SPDYA: variants seen among roughly 807,000 people sequenced by gnomAD.
SPDYA encodes the protein speedy/RINGO cell cycle regulator family member A, also known as speedy protein A.
In SPDYA, 11 loss-of-function variants were observed where a neutral mutation model predicts 36.7. That is an observed-to-expected ratio of 0.30 (90% CI 0.19 to 0.50). SPDYA has a LOEUF of 0.50. SPDYA is among the 20% of genes least tolerant of loss of function. The probability of loss-of-function intolerance (pLI) is 0.98; values close to 1 mark genes in which losing one functional copy is unlikely to be tolerated. For synonymous variants in SPDYA, 115 were observed against 118.7 expected (o/e 0.97, Z 0.20); for missense variants, 287 against 370.9 (o/e 0.77, Z 1.86).
At chr2:28,823,702 A>AATAAATAT (rs1553315097) in intron 5 of SPDYA, among the ~76,000 whole-genome samples, 1 of 49,228 alleles carries the variant, frequency 2.0e-5, no homozygotes, top group Non-Finnish European at 3.7e-5. Context: ...GGAATGCATG[A>AATAAATAT]ATATATATAT....
intron 7 of SPDYA, among the ~76,000 whole-genome samples, chr2:28,844,576 A>G (rs1558332908): frequency 1.3e-5 from 2 of 152,196 alleles, no homozygotes; most frequent in African/African-American, 4.8e-5. Context: ...CGTTCTGAGC[A>G]CACTAAGGTA....
At chr2:28,815,636 A>C (rs1667966377) in intron 2 of SPDYA, among the ~76,000 whole-genome samples, 1 of 152,166 alleles carries the variant, frequency 6.6e-6, no homozygotes, top group Non-Finnish European at 1.5e-5. Context: ...ATGTCAATTC[A>C]AGCAGAATAG....
intron 6 of SPDYA, 114 bp from the exon 7 acceptor site, chr2:28,840,058 T>A: frequency 1.0e-6 from 1 of 981,192 alleles, no homozygotes; most frequent in African/African-American, 1.7e-5. Flanking sequence ...AATCAGCAAT[T>A]TGGATTTTTA....
intron 6 of SPDYA, among the ~76,000 whole-genome samples, chr2:28,837,741 G>A (rs1482816507): frequency 5.8e-5 from 3 of 51,876 alleles, no homozygotes; most frequent in Non-Finnish European, 7.7e-5. Flanking sequence ...CAGAGTCAGT[G>A]CTTTTTTTTT....
intron 6 of SPDYA, among the ~76,000 whole-genome samples, chr2:28,833,416 G>A (rs1195900483): frequency 6.6e-6 from 1 of 152,030 alleles, no homozygotes; most frequent in Non-Finnish European, 1.5e-5. Flanking sequence ...CCATAACCTG[G>A]AATGTTGTTC....
Position 28,825,899 on chromosome 2 carries a change from G to A in SPDYA, c.381-3249G>A, listed in dbSNP as rs577993390. Among the ~76,000 whole-genome samples the A allele has an allele frequency of 2.0e-4, 30 of 151,708 alleles. No individual in the cohort carries two copies. In the South Asian group the frequency reaches 5.0e-3, roughly 25 times the overall value. On this transcript the variant is annotated intron_variant, in intron 5 of 7. Coordinates refer to ENST00000334056, the MANE Select transcript of SPDYA (RefSeq NM_182756.4). ...ACCACAGGCACATAGCACGACACCC[G>A]GCTAATTTTTTATTTTTTATTTTTT...
At chr2:28,818,250 T>C (rs1558321459) in intron 3 of SPDYA, among the ~76,000 whole-genome samples, 1 of 152,070 alleles carries the variant, frequency 6.6e-6, no homozygotes, top group African/African-American at 2.4e-5. Flanking sequence ...TATGACTACA[T>C]TGATGATATT....
At chr2:28,847,813 T>A (rs1187544595) in intron 7 of SPDYA, among the ~76,000 whole-genome samples, 1 of 151,306 alleles carries the variant, frequency 6.6e-6, no homozygotes, top group African/African-American at 2.4e-5. Context: ...ATAATGGAGC[T>A]GAAAAATTCC....
chr2:28,814,256 A>T (rs1157336900), intron 1 of SPDYA, among the ~76,000 whole-genome samples: 1 of 152,242 alleles, frequency 6.6e-6, no homozygotes, highest in Non-Finnish European at 1.5e-5. Context: ...CTTCATTTTT[A>T]AAAATAGGAC....
At chr2:28,830,593 T>C (rs1043154439) in intron 6 of SPDYA, among the ~76,000 whole-genome samples, 1 of 152,198 alleles carries the variant, frequency 6.6e-6, no homozygotes, top group African/African-American at 2.4e-5. Context: ...CCAAAATATC[T>C]TATTTAGGAT....
intron 6 of SPDYA, among the ~76,000 whole-genome samples, chr2:28,839,344 C>T (rs956800699): frequency 1.3e-5 from 2 of 150,140 alleles, no homozygotes; most frequent in African/African-American, 4.9e-5. Flanking sequence ...TCGCAGCAAC[C>T]CTCTAAAATA....
intron 7 of SPDYA, among the ~76,000 whole-genome samples, chr2:28,845,716 T>C (rs1668854985): frequency 6.6e-6 from 1 of 152,046 alleles, no homozygotes; most frequent in Admixed American, 6.5e-5. Context: ...AGCTAGTTTT[T>C]GTATTTTTAG....
intron 6 of SPDYA, among the ~76,000 whole-genome samples, chr2:28,832,754 A>G (rs1379278720): frequency 6.6e-6 from 1 of 151,524 alleles, no homozygotes; most frequent in East Asian, 1.9e-4. Flanking sequence ...ACCATTTCTC[A>G]CCACCTCCAC....
Position 28,813,956 on chromosome 2 carries a change from C to G in SPDYA, c.-92-657C>G, listed in dbSNP as rs146178153. ...GGCAGGAAAGAGCAGAACGTTCTTA[C>G]TCAAGTCTCAAGGCTCAATTTATCA... On this transcript the variant is annotated intron_variant, in intron 1 of 7. Transcript: ENST00000334056. Among the ~76,000 whole-genome samples, 1,063 of 152,312 alleles carry G rather than the reference C, an allele frequency of 7.0e-3. 9 individuals carry two copies. The highest frequency in any genetic ancestry group is 0.024 in the African/African-American group (1,011 of 41,556).
At chr2:28,836,606 C>T (rs557262082) in intron 6 of SPDYA, among the ~76,000 whole-genome samples, 1 of 152,286 alleles carries the variant, frequency 6.6e-6, no homozygotes, top group East Asian at 1.9e-4. Context: ...AACTCTATTA[C>T]ATTTTATTAC....
At position 28,850,104 on chromosome 2, in the gene SPDYA, C is replaced by A; in HGVS notation, c.*163C>A. Reference sequence around the variant, plus strand: ...TAAGTTATATAAGTCATAGTAATAGCTAAAAATGCCAATCTATGGAAGCAG... The same window carrying A: ...TAAGTTATATAAGTCATAGTAATAGATAAAAATGCCAATCTATGGAAGCAG... On this transcript the variant is annotated 3_prime_UTR_variant, in exon 8 of 8. Transcript: ENST00000334056. The A allele has an allele frequency of 7.8e-7, 1 of 1,276,616 alleles. No individual in the cohort carries two copies. The highest frequency in any genetic ancestry group is 1.3e-5 in the South Asian group (1 of 76,808). The allele number at this position is 1,276,616 out of a possible 1,614,324, so 79.1% of individuals were successfully genotyped here. A position where few individuals can be genotyped will look rare whatever the true frequency, so the allele number is the denominator to read the frequency against.
intron 3 of SPDYA, among the ~76,000 whole-genome samples, chr2:28,816,705 T>C (rs942216256): frequency 6.6e-6 from 1 of 152,218 alleles, no homozygotes; most frequent in Non-Finnish European, 1.5e-5. Flanking sequence ...TTTGGGAACA[T>C]TGTTAAAAAT....
In SPDYA at chr2:28,842,617, C is replaced by T. The variant is rs932368255; in HGVS notation, c.850+2148C>T. The stretch of plus-strand genomic sequence containing the variant: ...TGATTTAGGATTTATAGGTCCTATA[C>T]AGGAAGGAACAAGTATTTACCCATA... On this transcript the variant is annotated intron_variant, in intron 7 of 7. Transcript: ENST00000334056. Among the ~76,000 whole-genome samples, 3 of 152,132 alleles carry T rather than the reference C, an allele frequency of 2.0e-5. No homozygotes were observed. In the East Asian group the frequency reaches 5.8e-4, roughly 29 times the overall value.
intron 1 of SPDYA, among the ~76,000 whole-genome samples, chr2:28,812,818 T>TTATAA (rs1003517264): frequency 7.1e-6 from 1 of 140,840 alleles, no homozygotes; most frequent in African/African-American, 2.7e-5. Context: ...GATCGAGCCA[T>TTATAA]TGCACTCCAG....
Sources: allele counts gnomAD v4.1 joint callset (sites outside exome capture counted in the v4.1 genomes callset), GRCh38; gene constraint gnomAD v4.1.1; transcripts MANE v1.5; gene names NCBI Gene and HGNC (gene_info 2026-07-23, HGNC 2026-07-21).